The following EYS variants were observed in gnomAD, a reference collection of about 807,000 sequenced individuals.
EYS encodes the protein protein eyes shut homolog.
EYS carries 250 observed loss-of-function variants against 282.1 expected under a neutral mutation model. That is an observed-to-expected ratio of 0.89 (90% CI 0.80 to 0.98). The LOEUF (loss-of-function observed/expected upper bound fraction) is 0.98, where lower values mean the gene tolerates loss of function less well. EYS is among the 50% of genes least tolerant of loss of function. EYS has a pLI of 0.00. For missense variants in EYS, 4,016 were observed against 3,709.0 expected (o/e 1.08, Z -2.15); for synonymous variants, 1,355 against 1,282.9 (o/e 1.06, Z -1.20).
Position 65,498,283 on chromosome 6 carries a change from A to G in EYS, c.-332-2290T>C, listed in dbSNP as rs553368935. ...AGAAAGATATGAATCACTAGGCAAT[A>G]TTGAAATACTTTTGTACCTGTAAAT... On this transcript the variant is annotated intron_variant, in intron 2 of 42. Transcript: ENST00000503581. Among the ~76,000 whole-genome samples, 169 of 152,138 alleles carry G rather than the reference A, an allele frequency of 1.1e-3. 1 individual carries two copies. The highest frequency in any genetic ancestry group is 3.5e-3 in the African/African-American group (145 of 41,550).
chr6:65,295,604 C>A (rs1342690617), intron 12 of EYS, among the ~76,000 whole-genome samples: 3 of 151,862 alleles, frequency 2.0e-5, no homozygotes, highest in Non-Finnish European at 4.4e-5. Context: ...TTGACATATA[C>A]CATCATATTC....
chr6:64,237,131 A>G (rs1399035850), intron 30 of EYS, among the ~76,000 whole-genome samples: 1 of 152,220 alleles, frequency 6.6e-6, no homozygotes, highest in East Asian at 1.9e-4. Flanking sequence ...TTTGCTGTTT[A>G]ACAGCCACTT....
chr6:64,778,170 G>C (rs1443813069), intron 22 of EYS, among the ~76,000 whole-genome samples: 1 of 152,084 alleles, frequency 6.6e-6, no homozygotes, highest in Admixed American at 6.6e-5. Flanking sequence ...TTCATGATTG[G>C]TGAAGAATTT....
intron 12 of EYS, among the ~76,000 whole-genome samples, chr6:65,204,469 TAA>T (rs936132307): frequency 1.2e-4 from 17 of 142,528 alleles, no homozygotes; most frequent in South Asian, 6.6e-4. Flanking sequence ...GAAGAAAAAA[TAA>T]AGTCTTTCCC....
chr6:64,917,109 C>T (rs1344059941), intron 15 of EYS, among the ~76,000 whole-genome samples: 1 of 152,060 alleles, frequency 6.6e-6, no homozygotes, highest in East Asian at 1.9e-4. Context: ...ATTACCCAGG[C>T]GTGGCAGCAC....
At chr6:65,512,319 C>T (rs1425598104) in intron 2 of EYS, among the ~76,000 whole-genome samples, 2 of 151,842 alleles carry the variant, frequency 1.3e-5, no homozygotes, top group East Asian at 3.9e-4. Context: ...GGTGAAACCC[C>T]ATTTCTACTA....
At chr6:64,941,468 A>C (rs1172452300) in intron 15 of EYS, among the ~76,000 whole-genome samples, 1 of 152,068 alleles carries the variant, frequency 6.6e-6, no homozygotes, top group Non-Finnish European at 1.5e-5. Context: ...ATGTGTATGC[A>C]TCATTTTAGA....
intron 2 of EYS, among the ~76,000 whole-genome samples, chr6:65,544,089 T>C (rs1364329920): frequency 2.0e-5 from 3 of 151,892 alleles, no homozygotes; most frequent in Non-Finnish European, 4.4e-5. Context: ...ACAGACCCTA[T>C]ATGGAAGATC....
chr6:64,259,650 G>A (rs796322496), intron 30 of EYS, among the ~76,000 whole-genome samples: 4,105 of 145,688 alleles, frequency 0.028, 124 homozygotes, highest in African/African-American at 0.074. Context: ...TTACACACGC[G>A]CACACACACA....
At chr6:63,804,504 G>C (rs1041235263) in intron 37 of EYS, among the ~76,000 whole-genome samples, 1 of 152,230 alleles carries the variant, frequency 6.6e-6, no homozygotes, top group African/African-American at 2.4e-5. Context: ...AGTCTCTAGA[G>C]CCTGCTCCCT....
chr6:63,840,032 G>C (rs1771911624), intron 36 of EYS, among the ~76,000 whole-genome samples: 1 of 148,900 alleles, frequency 6.7e-6, no homozygotes, highest in Admixed American at 6.7e-5. Context: ...TGTCTATTCA[G>C]CTCATTTGCC....
intron 2 of EYS, among the ~76,000 whole-genome samples, chr6:65,557,134 G>T (rs554673886): frequency 3.2e-4 from 49 of 152,216 alleles, no homozygotes; most frequent in African/African-American, 1.2e-3. Context: ...GATCCTTCGG[G>T]TGTCACTTCA....
chr6:64,526,150 G>A (rs116067351), intron 26 of EYS, among the ~76,000 whole-genome samples: 3 of 151,784 alleles, frequency 2.0e-5, no homozygotes, highest in Non-Finnish European at 3.0e-5. Flanking sequence ...TATAGAAATC[G>A]AGAACAGAAT....
chr6:64,980,928 A>G (rs1342108024), intron 14 of EYS, among the ~76,000 whole-genome samples: 1 of 151,452 alleles, frequency 6.6e-6, no homozygotes, highest in Non-Finnish European at 1.5e-5. Context: ...TTAAAAGAGA[A>G]TAAGACTTTT....
chr6:64,545,548 G>A (rs1764829658), intron 26 of EYS, among the ~76,000 whole-genome samples: 1 of 152,138 alleles, frequency 6.6e-6, no homozygotes, highest in Non-Finnish European at 1.5e-5. Context: ...AGGAAATAAA[G>A]GGTATTCAGT....
chr6:64,107,080 C>T (rs946269886), intron 31 of EYS, among the ~76,000 whole-genome samples: 5 of 150,612 alleles, frequency 3.3e-5, no homozygotes, highest in Non-Finnish European at 7.4e-5. Context: ...TGCAAATTGT[C>T]GACTTTTTCC....
intron 22 of EYS, among the ~76,000 whole-genome samples, chr6:64,729,790 T>C (rs1203399510): frequency 3.9e-5 from 6 of 152,154 alleles, no homozygotes; most frequent in Non-Finnish European, 8.8e-5. Flanking sequence ...TACAAACGAC[T>C]GATACACCAA....
At chr6:64,055,414 G>A (rs868266766) in intron 33 of EYS, among the ~76,000 whole-genome samples, 9 of 152,098 alleles carry the variant, frequency 5.9e-5, no homozygotes, top group Admixed American at 4.6e-4. Context: ...GCAGAAAAAT[G>A]AGTGTTATTA....
intron 26 of EYS, among the ~76,000 whole-genome samples, chr6:64,446,357 T>C (rs1428584057): frequency 6.6e-6 from 1 of 152,050 alleles, no homozygotes; most frequent in African/African-American, 2.4e-5. Context: ...ACTAGAAATA[T>C]AATAGAATAC....
Sources: gnomAD v4.1 joint callset for allele counts (sites outside exome capture counted in the v4.1 genomes callset) on GRCh38, gnomAD v4.1.1 for gene constraint, MANE v1.5 for transcripts, NCBI Gene and HGNC (gene_info 2026-07-23, HGNC 2026-07-21) for gene names.